IKZF2: variants seen among roughly 807,000 people sequenced by gnomAD.
IKZF2 encodes the protein IKAROS family zinc finger 2.
Under a neutral mutation model 49.2 loss-of-function variants are expected in IKZF2, and 15 were observed. The observed-to-expected ratio is 0.30, with a 90% CI of 0.20 to 0.47. The LOEUF (loss-of-function observed/expected upper bound fraction) is 0.47. Among genes scored for constraint, IKZF2 ranks in the 20% least tolerant of loss-of-function variants. The pLI, the probability that IKZF2 is intolerant of heterozygous loss-of-function variation, is 1.00. For synonymous variants in IKZF2, 227 were observed against 221.4 expected (o/e 1.03, Z -0.23); for missense variants, 567 against 664.6 (o/e 0.85, Z 1.61).
chr2:213,115,601 T>G (rs1203079859), intron 4 of IKZF2, among the ~76,000 whole-genome samples: 2 of 152,170 alleles, frequency 1.3e-5, no homozygotes, highest in African/African-American at 2.4e-5. Flanking sequence ...GTTCACACCC[T>G]GAAACCAGTC....
chr2:213,048,243 G>A (rs1302470289), intron 6 of IKZF2, among the ~76,000 whole-genome samples: 2 of 151,982 alleles, frequency 1.3e-5, no homozygotes, highest in African/African-American at 4.8e-5. Flanking sequence ...AAATGAGCAC[G>A]ATGGCAGTTA....
intron 6 of IKZF2, among the ~76,000 whole-genome samples, chr2:213,042,026 C>T (rs774790687): frequency 2.0e-5 from 3 of 152,108 alleles, no homozygotes; most frequent in Non-Finnish European, 4.4e-5. Flanking sequence ...AATAGCAGCA[C>T]CAGGAGATTT....
At chr2:213,066,146 C>T (rs1412128522) in intron 4 of IKZF2, among the ~76,000 whole-genome samples, 4 of 152,062 alleles carry the variant, frequency 2.6e-5, no homozygotes, top group Non-Finnish European at 5.9e-5. Context: ...GTACAAAATT[C>T]TTAACCTAAC....
chr2:213,053,804 G>A (rs1440815697), intron 5 of IKZF2, among the ~76,000 whole-genome samples: 2 of 152,124 alleles, frequency 1.3e-5, no homozygotes, highest in Non-Finnish European at 2.9e-5. Flanking sequence ...ACTTACTAAA[G>A]TAGCAATACC....
intron 7 of IKZF2, among the ~76,000 whole-genome samples, chr2:213,018,522 C>A (rs770866929): frequency 1.3e-5 from 2 of 152,076 alleles, no homozygotes; most frequent in African/African-American, 2.4e-5. Context: ...CTCCTCACAC[C>A]ATACCCCCTG....
chr2:213,123,941 GA>G (rs5838367), intron 4 of IKZF2, among the ~76,000 whole-genome samples: 1 of 148,584 alleles, frequency 6.7e-6, no homozygotes. Flanking sequence ...GAGTCTTAGT[GA>G]AAAAAAAAAG....
At chr2:213,043,015 T>C (rs755013125) in intron 6 of IKZF2, among the ~76,000 whole-genome samples, 2 of 152,186 alleles carry the variant, frequency 1.3e-5, no homozygotes. Context: ...AAATGCTTAG[T>C]ACAGTGTCTA....
intron 2 of IKZF2, among the ~76,000 whole-genome samples, chr2:213,149,766 C>T (rs551448023): frequency 2.0e-5 from 3 of 148,542 alleles, no homozygotes; most frequent in African/African-American, 7.6e-5. Context: ...TCTTCACCAC[C>T]ACACTCCCTT....
chr2:213,087,347 C>T (rs937035594), intron 4 of IKZF2, among the ~76,000 whole-genome samples: 1 of 152,194 alleles, frequency 6.6e-6, no homozygotes, highest in Non-Finnish European at 1.5e-5. Flanking sequence ...GTTCCTCACA[C>T]GTACGCATAA....
chr2:213,123,505 G>A (rs1439878926), intron 4 of IKZF2, among the ~76,000 whole-genome samples: 1 of 152,114 alleles, frequency 6.6e-6, no homozygotes, highest in African/African-American at 2.4e-5. Flanking sequence ...TAATGTAAAT[G>A]ACAAGTTAAT....
At chr2:213,028,713 T>A (rs1002346177) in intron 6 of IKZF2, among the ~76,000 whole-genome samples, 1 of 152,138 alleles carries the variant, frequency 6.6e-6, no homozygotes, top group Admixed American at 6.5e-5. Flanking sequence ...TCTCAGTATG[T>A]CAAAGAAATA....
Position 213,003,384 on chromosome 2 carries a change from C to G in IKZF2, c.*3976G>C, listed in dbSNP as rs1695062490. 1 of 151,540 alleles carries G rather than the reference C, an allele frequency of 6.6e-6. No individual in the cohort carries two copies. Among genetic ancestry groups the G allele is most frequent in the African/African-American group, 2.4e-5 (1 of 41,296 alleles). The allele number at this position is 151,540 out of a possible 1,614,324, so 9.4% of individuals were successfully genotyped here. On this transcript the variant is annotated 3_prime_UTR_variant, in exon 9 of 9. Coordinates refer to ENST00000434687, the MANE Select transcript of IKZF2 (RefSeq NM_001387220.1). The stretch of plus-strand genomic sequence containing the variant: ...TTTTCTTTTGGATTTGGGGAATTTT[C>G]TGGTTTAGAATAGTCTTCATTCAGA...
At chr2:213,108,343 C>T (rs763561981) in intron 4 of IKZF2, among the ~76,000 whole-genome samples, 2 of 152,068 alleles carry the variant, frequency 1.3e-5, no homozygotes, top group African/African-American at 2.4e-5. Context: ...CTTACATTAG[C>T]TTTATGTACT....
chr2:213,056,003 CTT>C (rs1019002500), intron 5 of IKZF2, among the ~76,000 whole-genome samples: 1 of 151,974 alleles, frequency 6.6e-6, no homozygotes, highest in African/African-American at 2.4e-5. Context: ...TTCATATGAA[CTT>C]GAATCTTTTT....
In IKZF2 at chr2:213,000,252, T is replaced by TCATATATATA. The variant is rs1553537457; in HGVS notation, c.*7107_*7108insTATATATATG. The TCATATATATA allele has an allele frequency of 7.0e-6, 1 of 142,970 alleles. No individual in the cohort carries two copies. The highest frequency in any genetic ancestry group is 2.5e-5 in the African/African-American group (1 of 39,530). The allele number at this position is 142,970 out of a possible 1,614,324, so 8.9% of individuals were successfully genotyped here. On this transcript the variant is annotated 3_prime_UTR_variant, in exon 9 of 9. Coordinates refer to ENST00000434687, the MANE Select transcript of IKZF2 (RefSeq NM_001387220.1). ...TGGAATTTTAACTTTACATATATAT[T>TCATATATATA]TATATATATATATATATATTTCTTT...
At chr2:213,039,304 TA>T (rs1426332503) in intron 6 of IKZF2, among the ~76,000 whole-genome samples, 1 of 152,006 alleles carries the variant, frequency 6.6e-6, no homozygotes, top group Admixed American at 6.6e-5. Context: ...TTTTTGTGGA[TA>T]AAATATAGTC....
intron 4 of IKZF2, among the ~76,000 whole-genome samples, chr2:213,080,958 G>GA (rs1239773841): frequency 2.0e-5 from 3 of 151,158 alleles, no homozygotes; most frequent in African/African-American, 2.4e-5. Flanking sequence ...CTTTCATAAA[G>GA]AAAAAAAAAT....
chr2:213,115,857 T>C (rs543304904), intron 4 of IKZF2, among the ~76,000 whole-genome samples: 2 of 152,184 alleles, frequency 1.3e-5, no homozygotes, highest in East Asian at 3.9e-4. Context: ...TATTTTACTT[T>C]AAAGCATTTA....
At chr2:213,104,577 T>C (rs1260303206) in intron 4 of IKZF2, among the ~76,000 whole-genome samples, 1 of 152,138 alleles carries the variant, frequency 6.6e-6, no homozygotes, top group Non-Finnish European at 1.5e-5. Context: ...AGGAAGAGAA[T>C]GGGAAGGAGG....
Sources: gnomAD v4.1 joint callset for allele counts (sites outside exome capture counted in the v4.1 genomes callset) on GRCh38, gnomAD v4.1.1 for gene constraint, MANE v1.5 for transcripts, NCBI Gene and HGNC (gene_info 2026-07-23, HGNC 2026-07-21) for gene names.